OTULIN: variants seen among roughly 807,000 people sequenced by gnomAD.
The protein encoded by OTULIN is ubiquitin thioesterase otulin.
In OTULIN, 15 loss-of-function variants were observed where a neutral mutation model predicts 39.6. That is an observed-to-expected ratio of 0.38 (90% CI 0.25 to 0.58). OTULIN has a LOEUF of 0.58. Ranked by LOEUF, OTULIN falls within the 20% of genes least tolerant of loss-of-function variation. The pLI, the probability that OTULIN is intolerant of heterozygous loss-of-function variation, is 0.66. For synonymous variants in OTULIN, 156 were observed against 170.3 expected, an observed-to-expected ratio of 0.92 and a Z score of 0.65; for missense variants, 319 against 445.9, an observed-to-expected ratio of 0.72 and a Z score of 2.56.
rs998662046 is a variant in OTULIN, at chr5:14,683,200, G to A, written c.468+1593G>A. ...AGGCTGGGGTGGGAGGATCACTTGAGCCAGGAGTTCAAGTCCAGCCTGGGC... is the reference window on the plus strand; with the variant it reads ...AGGCTGGGGTGGGAGGATCACTTGAACCAGGAGTTCAAGTCCAGCCTGGGC... On this transcript the variant is annotated intron_variant, in intron 4 of 6. Coordinates refer to ENST00000284274, the MANE Select transcript of OTULIN (RefSeq NM_138348.6). Among the ~76,000 whole-genome samples, 6 of 151,650 alleles carry A rather than the reference G, an allele frequency of 4.0e-5. No individual in the cohort carries two copies. The East Asian group carries it at 1.2e-3, about 30-fold the overall frequency.
At chr5:14,684,952 G>T (rs568456395) in intron 4 of OTULIN, among the ~76,000 whole-genome samples, 20 of 152,306 alleles carry the variant, frequency 1.3e-4, no homozygotes, top group African/African-American at 3.6e-4. Flanking sequence ...CTGCCCAGGT[G>T]TCCTGTTTGT....
At chr5:14,669,249 C>A (rs1333869349) in intron 1 of OTULIN, among the ~76,000 whole-genome samples, 1 of 152,022 alleles carries the variant, frequency 6.6e-6, no homozygotes, top group African/African-American at 2.4e-5. Context: ...CCTGTAATCC[C>A]AGTTACTCAG....
the OTULIN span, chr5:14,712,825 C>T: frequency 1.3e-6 from 2 of 1,535,984 alleles, no homozygotes; most frequent in Non-Finnish European, 8.8e-7. Flanking sequence ...GGTTCTCCTG[C>T]ACCCAGGAGG....
At chr5:14,678,577 T>G in intron 2 of OTULIN, 104 bp from the exon 3 acceptor site, 1 of 813,640 alleles carries the variant, frequency 1.2e-6, no homozygotes, top group Non-Finnish European at 1.9e-6. Context: ...TTTTTTGACG[T>G]GAAGAAAGAA....
chr5:14,711,268 A>C, the OTULIN span: 3 of 1,614,126 alleles, frequency 1.9e-6, no homozygotes, highest in Admixed American at 1.7e-5. Context: ...GTCATGGCAG[A>C]GTCTTCCCCC....
the OTULIN span, among the ~76,000 whole-genome samples, chr5:14,713,305 A>G: frequency 1.3e-5 from 2 of 152,150 alleles, no homozygotes; most frequent in African/African-American, 4.8e-5. This position sits in a 1 kb window ranked among gnomAD's most constrained non-coding sequence, Gnocchi z 4.4. Flanking sequence ...AGGGCCGGCC[A>G]TGCCCTGACA....
chr5:14,672,565 T>TG (rs34768839), intron 1 of OTULIN, among the ~76,000 whole-genome samples: 1 of 152,028 alleles, frequency 6.6e-6, no homozygotes, highest in South Asian at 2.1e-4. Context: ...TGTGTGAGGA[T>TG]GGGGTATGCG....
intron 3 of OTULIN, among the ~76,000 whole-genome samples, chr5:14,681,025 A>G (rs1048946435): frequency 1.3e-5 from 2 of 152,136 alleles, no homozygotes; most frequent in Non-Finnish European, 2.9e-5. Flanking sequence ...GCGCCACTGC[A>G]CTCCAGCCTG....
At chr5:14,713,405 C>A in the OTULIN span, 2 of 1,274,104 alleles carry the variant, frequency 1.6e-6, no homozygotes, top group Admixed American at 4.0e-5. The surrounding 1 kb of genome is among the most constrained non-coding windows in gnomAD (Gnocchi z 4.4). Flanking sequence ...GGTGCCTGGG[C>A]AGACACACAA....
the OTULIN span, chr5:14,712,857 C>A: frequency 1.3e-6 from 2 of 1,586,988 alleles, no homozygotes; most frequent in East Asian, 2.3e-5. Flanking sequence ...AGGAGGCTCC[C>A]GGCGCGGCTG....
At chr5:14,676,089 GT>G (rs34810902) in intron 2 of OTULIN, among the ~76,000 whole-genome samples, 5,787 of 152,190 alleles carry the variant, frequency 0.038, 177 homozygotes, top group Admixed American at 0.082. Flanking sequence ...ATTCCACCCT[GT>G]TTGAGAGTCC....
intron 1 of OTULIN, among the ~76,000 whole-genome samples, chr5:14,669,938 CCTT>C (rs1355047241): frequency 2.6e-5 from 4 of 152,156 alleles, no homozygotes; most frequent in South Asian, 2.1e-4. Flanking sequence ...CACCTAATAT[CCTT>C]CTAGCTGTTT....
chr5:14,690,303 G>A lies in OTULIN; in HGVS notation c.859G>A (p.Glu287Lys). ...LNQVGHTGGLEQVEMFLLAYA... is the reference protein window; with the variant it reads ...LNQVGHTGGLKQVEMFLLAYA... Reference sequence around the variant, plus strand: ...CCAGGTGGGACACACTGGTGGTCTTGAACAGGTAAGTTGTGCTTTTGAGCA... The same window carrying A: ...CCAGGTGGGACACACTGGTGGTCTTAAACAGGTAAGTTGTGCTTTTGAGCA... The change falls in exon 6 of 7, where the codon GAA becomes AAA. Residue 287 changes from glutamate to lysine, a missense_variant. Coordinates refer to ENST00000284274, the MANE Select transcript of OTULIN (RefSeq NM_138348.6). This position sits in a 1 kb window ranked among gnomAD's most constrained non-coding sequence, Gnocchi z 4.5. 1 of 1,613,710 alleles carries A rather than the reference G, an allele frequency of 6.2e-7. No homozygotes were observed. Among genetic ancestry groups the A allele is most frequent in the African/African-American group, 1.3e-5 (1 of 75,032 alleles).
intron 2 of OTULIN, among the ~76,000 whole-genome samples, chr5:14,675,421 A>G (rs1302752250): frequency 6.6e-6 from 1 of 152,130 alleles, no homozygotes; most frequent in African/African-American, 2.4e-5. Flanking sequence ...TAGCCACAGG[A>G]GATATTCTTT....
intron 2 of OTULIN, among the ~76,000 whole-genome samples, chr5:14,677,084 C>A (rs770272241): frequency 6.6e-6 from 1 of 152,078 alleles, no homozygotes; most frequent in Admixed American, 6.5e-5. Context: ...TAAAAGAATT[C>A]ACAGTGAGAT....
At chr5:14,667,186 C>T (rs1735871109) in intron 1 of OTULIN, among the ~76,000 whole-genome samples, 1 of 152,166 alleles carries the variant, frequency 6.6e-6, no homozygotes. Flanking sequence ...CAAATCATAG[C>T]CCAACTTCTG....
chr5:14,692,369 A>G (rs1294677481), intron 6 of OTULIN, among the ~76,000 whole-genome samples: 1 of 152,228 alleles, frequency 6.6e-6, no homozygotes, highest in African/African-American at 2.4e-5. Context: ...CCCAAAGAAA[A>G]TCCTGTGCTC....
chr5:14,666,051 G>T (rs537199829), intron 1 of OTULIN, among the ~76,000 whole-genome samples: 1 of 152,182 alleles, frequency 6.6e-6, no homozygotes, highest in Non-Finnish European at 1.5e-5. Context: ...AGGGTCTCTT[G>T]CCCCCAAGCC....
chr5:14,685,071 A>G (rs147826242), intron 4 of OTULIN, among the ~76,000 whole-genome samples: 149 of 152,350 alleles, frequency 9.8e-4, no homozygotes, highest in African/African-American at 3.4e-3. Flanking sequence ...AATGTGGGAC[A>G]ACACTTTGGT....
Sources: gnomAD v4.1 joint callset for allele counts (sites outside exome capture counted in the v4.1 genomes callset) on GRCh38, gnomAD v4.1.1 for gene constraint, Gnocchi (gnomAD v3.1) non-coding constraint, MANE v1.5 for transcripts, NCBI Gene and HGNC (gene_info 2026-07-23, HGNC 2026-07-21) for gene names.